SVEP1: variants seen among roughly 807,000 people sequenced by gnomAD.
The protein encoded by SVEP1 is sushi, von Willebrand factor type A, EGF and pentraxin domain containing 1.
Under a neutral mutation model 367.3 loss-of-function variants are expected in SVEP1, and 164 were observed. The observed-to-expected ratio is 0.45, with a 90% CI of 0.39 to 0.51. The LOEUF (loss-of-function observed/expected upper bound fraction) is 0.51, where lower values mean the gene tolerates loss of function less well. Ranked by LOEUF, SVEP1 falls within the 20% of genes least tolerant of loss-of-function variation. The pLI is 0.00. For synonymous variants in SVEP1, 1,666 were observed against 1,611.6 expected (o/e 1.03, Z -0.81); for missense variants, 4,117 against 4,425.3 (o/e 0.93, Z 1.98).
At chr9:110,451,441 G>A in intron 22 of SVEP1, 39 bp from the exon 23 acceptor site, 3 of 1,543,162 alleles carry the variant, frequency 1.9e-6, no homozygotes, top group Non-Finnish European at 1.8e-6. Flanking sequence ...GAGAAAACTT[G>A]ACAGAACTTT....
Position 110,518,379 on chromosome 9 carries a change from G to A in SVEP1, c.965-4273C>T, listed in dbSNP as rs150807404. 5.7e-3 allele frequency among the ~76,000 whole-genome samples: 866 copies of A among 151,078 alleles called. 9 individuals carry two copies. Among genetic ancestry groups the A allele is most frequent in the African/African-American group, 0.02 (821 of 41,138 alleles). ...GGAGGTTGCAGTGAGCCATGATAGC[G>A]CCATTGCACTCCAGCCTGGGTGACA... On this transcript the variant is annotated intron_variant, in intron 3 of 47. Coordinates refer to ENST00000374469, the MANE Select transcript of SVEP1 (RefSeq NM_153366.4).
At chr9:110,409,998 G>A (rs1462851786) in intron 37 of SVEP1, among the ~76,000 whole-genome samples, 2 of 152,030 alleles carry the variant, frequency 1.3e-5, no homozygotes, top group East Asian at 3.9e-4. Flanking sequence ...AGGAGCTCTA[G>A]AAATATTTAT....
At position 110,429,944 on chromosome 9, in the gene SVEP1, G is replaced by C; in HGVS notation, c.5591C>G (p.Thr1864Ser). Residue 1864 changes from threonine (T) to serine (S), a missense_variant, in exon 34 of 48, where the codon ACT becomes AGT. Physicochemically the swap from Thr to Ser is moderately conservative, Grantham distance 58. Coordinates refer to ENST00000374469, the MANE Select transcript of SVEP1 (RefSeq NM_153366.4). The stretch of plus-strand genomic sequence containing the variant: ...CCTATATGTCACTTTGCTGCCAAAA[G>C]TAAATGCTAACTCCTCAATGCAACC... ...ENGCIEELAFTFGSKVTYRCN... is the reference protein window; with the variant it reads ...ENGCIEELAFSFGSKVTYRCN... 1 of 1,612,846 alleles carries C rather than the reference G, an allele frequency of 6.2e-7. No homozygotes were observed. Among genetic ancestry groups the C allele is most frequent in the South Asian group, 1.1e-5 (1 of 91,062 alleles).
At chr9:110,546,054 C>G in intron 3 of SVEP1, 61 bp downstream of exon 3, 1 of 1,526,566 alleles carries the variant, frequency 6.6e-7, no homozygotes, top group Non-Finnish European at 8.9e-7. Flanking sequence ...ATAGCCATTG[C>G]ATTTTAGAAT....
intron 24 of SVEP1, among the ~76,000 whole-genome samples, chr9:110,447,970 C>A (rs1288924737): frequency 6.6e-6 from 1 of 151,640 alleles, no homozygotes; most frequent in East Asian, 1.9e-4. Flanking sequence ...GAAAAAAAAA[C>A]CGAATTGCAA....
Position 110,449,909 on chromosome 9 carries a change from G to A in SVEP1, c.4103+150C>T, listed in dbSNP as rs956951948. 43 of 887,194 alleles carry A rather than the reference G, an allele frequency of 4.8e-5. No individual in the cohort carries two copies. In the African/African-American group the frequency reaches 6.9e-4, roughly 14 times the overall value. The allele number at this position is 887,194 out of a possible 1,614,324, so 55.0% of individuals were successfully genotyped here. A position where few individuals can be genotyped will look rare whatever the true frequency, so the allele number is the denominator to read the frequency against. Reference sequence around the variant, plus strand: ...CTTCAGGCTTAGTGAAGCAGAAATGGCGGTGGGAATATTCAGCTGTAGCCT... The same window carrying A: ...CTTCAGGCTTAGTGAAGCAGAAATGACGGTGGGAATATTCAGCTGTAGCCT... On this transcript the variant is annotated intron_variant, in intron 24 of 47. Transcript: ENST00000374469.
chr9:110,463,234 CAAG>C (rs1408227062), intron 18 of SVEP1, among the ~76,000 whole-genome samples: 1 of 131,974 alleles, frequency 7.6e-6, no homozygotes, highest in African/African-American at 2.8e-5. Context: ...ACAACAACAA[CAAG>C]TACCTGTCGA....
At chr9:110,377,490 A>C in intron 44 of SVEP1, 124 bp from the exon 45 acceptor site, 1 of 812,096 alleles carries the variant, frequency 1.2e-6, no homozygotes, top group Non-Finnish European at 1.9e-6. Context: ...AGAGAGACAA[A>C]AATCGAATCT....
intron 9 of SVEP1, among the ~76,000 whole-genome samples, chr9:110,486,896 C>T (rs972743010): frequency 6.6e-6 from 1 of 151,664 alleles, no homozygotes; most frequent in African/African-American, 2.4e-5. Flanking sequence ...TCATCTGCCT[C>T]GGCCTCCCAA....
chr9:110,550,223 G>A, intron 1 of SVEP1, 119 bp from the exon 2 acceptor site: 1 of 1,334,028 alleles, frequency 7.5e-7, no homozygotes. Flanking sequence ...ATGAGGGATG[G>A]AAGCCCTAGT....
intron 21 of SVEP1, 39 bp downstream of exon 21, chr9:110,457,217 T>C: frequency 1.4e-6 from 2 of 1,459,352 alleles, no homozygotes; most frequent in Non-Finnish European, 1.9e-6. Flanking sequence ...TGATTTCATA[T>C]AAAATATATT....
At chr9:110,560,060 GT>G (rs1311099252) in intron 1 of SVEP1, among the ~76,000 whole-genome samples, 1 of 152,100 alleles carries the variant, frequency 6.6e-6, no homozygotes, top group African/African-American at 2.4e-5. Flanking sequence ...ACATAATGAT[GT>G]TTTGGTCAAT....
intron 12 of SVEP1, among the ~76,000 whole-genome samples, chr9:110,480,705 C>A (rs1036633437): frequency 1.2e-4 from 19 of 152,076 alleles, no homozygotes; most frequent in Admixed American, 3.9e-4. Flanking sequence ...GATCAAAGTT[C>A]CCTGCAGTCT....
Position 110,377,331 on chromosome 9 carries a change from A to G in SVEP1, c.10444T>C (p.Cys3482Arg), listed in dbSNP as rs1333412651. The G allele has an allele frequency of 6.2e-7, 1 of 1,613,882 alleles. No individual in the cohort carries two copies. The highest frequency in any genetic ancestry group is 1.3e-5 in the African/African-American group (1 of 75,074). The stretch of plus-strand genomic sequence containing the variant: ...CAGGAACAAGCATTTGGGCGTTGGC[A>G]GATGCCCCCATTCTGACATGGAAAT... ...CRFPCQNGGI[C>R]QRPNACSCPE... The change falls in exon 45 of 48, where the codon TGC (cysteine) becomes CGC (arginine). Residue 3482 changes from cysteine to arginine, a missense_variant. Cys to Arg is a radical substitution (Grantham distance 180). This residue lies in a region of SVEP1 where 1,765 missense variants were observed against 1,781.1 expected (regional missense o/e 0.99). Transcript: ENST00000374469.
intron 8 of SVEP1, 87 bp downstream of exon 8, chr9:110,496,728 G>T: frequency 1.1e-6 from 1 of 896,274 alleles, no homozygotes. Context: ...GTATTACCAT[G>T]AGCATATTAG....
At chr9:110,442,124 T>C (rs1349953041) in intron 27 of SVEP1, among the ~76,000 whole-genome samples, 1 of 152,236 alleles carries the variant, frequency 6.6e-6, no homozygotes, top group Non-Finnish European at 1.5e-5. Flanking sequence ...CTCGATGGAC[T>C]CCCCATTCTA....
chr9:110,549,411 T>C (rs1830256203), intron 2 of SVEP1, among the ~76,000 whole-genome samples: 1 of 152,142 alleles, frequency 6.6e-6, no homozygotes, highest in Admixed American at 6.5e-5. Flanking sequence ...GAAGTATGTG[T>C]TAAGTATTTA....
intron 8 of SVEP1, among the ~76,000 whole-genome samples, 193 bp downstream of exon 8, chr9:110,496,622 A>C (rs1829450376): frequency 6.6e-6 from 1 of 152,130 alleles, no homozygotes; most frequent in African/African-American, 2.4e-5. Flanking sequence ...GTGGAACTTC[A>C]CCTTGTGATG....
At chr9:110,543,985 A>G (rs1312058708) in intron 3 of SVEP1, among the ~76,000 whole-genome samples, 1 of 152,120 alleles carries the variant, frequency 6.6e-6, no homozygotes, top group African/African-American at 2.4e-5. Context: ...GAGCAGGGCC[A>G]AGAAAGGAGT....
Sources: allele counts gnomAD v4.1 joint callset (sites outside exome capture counted in the v4.1 genomes callset), GRCh38; gene constraint gnomAD v4.1.1; regional missense constraint gnomAD v4.1.1; transcripts MANE v1.5; gene names NCBI Gene and HGNC (gene_info 2026-07-23, HGNC 2026-07-21).